Variants in INSR observed in about 807,000 individuals in gnomAD.
The protein encoded by INSR is insulin receptor.
In INSR, 67 loss-of-function variants were observed where a neutral mutation model predicts 142.6. The ratio of observed to expected loss-of-function variants is 0.47; its 90% CI spans 0.39 to 0.58. The LOEUF is 0.58. Among genes scored for constraint, INSR ranks in the 20% least tolerant of loss-of-function variants. The pLI is 0.00. For missense variants in INSR, 1,248 were observed against 1,833.2 expected (o/e 0.68, Z 5.83); for synonymous variants, 756 against 743.1 (o/e 1.02, Z -0.28).
At position 7,119,446 on chromosome 19, in the gene INSR, T is replaced by TA; in HGVS notation, c.3794+2dup. On this transcript the variant is annotated splice_region_variant and intron_variant, in intron 21 of 21. Transcript: ENST00000302850. The surrounding 1 kb of genome is among the most constrained non-coding windows in gnomAD (Gnocchi z 5.2). ...ACACACCTTAAACCCTTTCTACACT[T>TA]ACACTCTCTCTGGACAGTTGTCGGG... 1 of 1,614,150 alleles carries TA rather than the reference T, an allele frequency of 6.2e-7. No individual in the cohort carries two copies. The highest frequency in any genetic ancestry group is 1.3e-5 in the African/African-American group (1 of 75,028).
intron 1 of INSR, among the ~76,000 whole-genome samples, chr19:7,282,705 GGCCAGGCGCAGTGGCTCAC>G (rs1235249775): frequency 6.6e-5 from 10 of 151,162 alleles, no homozygotes; most frequent in African/African-American, 2.4e-4. Flanking sequence ...TAGGCAACAT[GGCCAGGCGCAGTGGCTCAC>G]GCCTGTAATC....
rs996826905 is a variant in INSR, at chr19:7,141,809, A to G, written c.2550T>C (p.Ala850=). ...VSARTMPEAK[A]DDIVGPVTHE... ...GCGTCACAGGGCCAACAATGTCATC[A>G]GCCTTGGCTGTAAGGAGAGGAAGTG... The change falls in exon 13 of 22, where the codon GCT becomes GCC. Residue 850 remains alanine, a synonymous_variant. Transcript: ENST00000302850. The G allele has an allele frequency of 1.2e-6, 2 of 1,614,148 alleles. No individual in the cohort carries two copies. Among genetic ancestry groups the G allele is most frequent in the East Asian group, 2.2e-5 (1 of 44,872 alleles).
At chr19:7,285,294 T>TA (rs1221030342) in intron 1 of INSR, among the ~76,000 whole-genome samples, 5 of 151,564 alleles carry the variant, frequency 3.3e-5, no homozygotes, top group South Asian at 2.1e-4. Context: ...CTACTAAAAA[T>TA]AAAAAAAACT....
chr19:7,153,276 ACAC>A (rs1416866880), intron 9 of INSR, among the ~76,000 whole-genome samples: 12 of 141,906 alleles, frequency 8.5e-5, no homozygotes, highest in East Asian at 4.8e-4. Flanking sequence ...CACACCTCAC[ACAC>A]CACACCACAC....
At chr19:7,179,405 T>C (rs1381686581) in intron 3 of INSR, among the ~76,000 whole-genome samples, 1 of 152,176 alleles carries the variant, frequency 6.6e-6, no homozygotes, top group Non-Finnish European at 1.5e-5. Context: ...ATGCTAACTT[T>C]GGAGGAGGAT....
rs60052651 is a variant in INSR, at chr19:7,284,774, C to T, written c.100+9018G>A. ...CGATCTCCTGACCTCGTGATCCACT[C>T]GCCTCGGACTCCCAAAGCGCTGGGC... On this transcript the variant is annotated intron_variant, in intron 1 of 21. Transcript: ENST00000302850. 0.011 allele frequency among the ~76,000 whole-genome samples: 1,694 copies of T among 152,218 alleles called. 81 individuals are homozygous for T. The East Asian group carries it at 0.17, about 15-fold the overall frequency.
chr19:7,136,828 C>CATATATATATATATATATATATAT lies in INSR; in HGVS notation c.2683-4512_2683-4511insATATATATATATATATATATATAT, dbSNP rs57665258. On this transcript the variant is annotated intron_variant, in intron 13 of 21. Coordinates refer to ENST00000302850, the MANE Select transcript of INSR (RefSeq NM_000208.4). The stretch of plus-strand genomic sequence containing the variant: ...ATGTAAAACTTTATTTATTTATTTA[C>CATATATATATATATATATATATAT]ATATATATATATATATATATTGAGA... 1.4e-3 allele frequency among the ~76,000 whole-genome samples: 192 copies of CATATATATATATATATATATATAT among 139,766 alleles called. 3 individuals are homozygous for CATATATATATATATATATATATAT. The highest frequency in any genetic ancestry group is 5.0e-3 in the African/African-American group (172 of 34,558). 91.7% of individuals were successfully genotyped at this position (139,766 alleles called of 152,430 possible).
intron 13 of INSR, among the ~76,000 whole-genome samples, chr19:7,134,723 ACACTGCACTCCAGC>A (rs1342558886): frequency 2.0e-5 from 3 of 151,906 alleles, no homozygotes; most frequent in African/African-American, 7.3e-5. Context: ...CGAGATCGTG[ACACTGCACTCCAGC>A]CTGGGCAACA....
In INSR at chr19:7,116,125, C is replaced by CTTTTTTT. The variant is rs34045095; in HGVS notation, c.*924_*930dup. On this transcript the variant is annotated 3_prime_UTR_variant, in exon 22 of 22. Transcript: ENST00000302850. ...TCCATTTTGTTTTTTCTTTCTTTTTCTTTTTTTTTTTTTAATGTCCTAGCT... is the reference window on the plus strand; with the variant it reads ...TCCATTTTGTTTTTTCTTTCTTTTTCTTTTTTTTTTTTTTTTTTTTAATGTCCTAGCT... 2 of 131,498 alleles carry CTTTTTTT rather than the reference C, an allele frequency of 1.5e-5. No individual in the cohort carries two copies. Among genetic ancestry groups the CTTTTTTT allele is most frequent in the Admixed American group, 8.1e-5 (1 of 12,404 alleles). The allele number at this position is 131,498 out of a possible 1,614,324, so 8.1% of individuals were successfully genotyped here.
chr19:7,218,901 G>A (rs11666196), intron 2 of INSR, among the ~76,000 whole-genome samples: 1,789 of 152,200 alleles, frequency 0.012, 16 homozygotes, highest in Middle Eastern at 0.027. Context: ...GTATCACAGG[G>A]AAAAGCATGT....
chr19:7,292,880 A>T (rs185466332), intron 1 of INSR, among the ~76,000 whole-genome samples: 66 of 152,262 alleles, frequency 4.3e-4, no homozygotes, highest in Non-Finnish European at 8.2e-4. Context: ...CATGAAGCGC[A>T]GGGCTGAGGG....
At chr19:7,172,564 T>C (rs1360114734) in intron 4 of INSR, 130 bp from the exon 5 acceptor site, 3 of 994,336 alleles carry the variant, frequency 3.0e-6, no homozygotes, top group Non-Finnish European at 4.7e-6. Context: ...CTCATCATGC[T>C]TAGAACACAA....
chr19:7,164,654 C>CAAAAAA (rs539037803), intron 8 of INSR, among the ~76,000 whole-genome samples: 1 of 76,102 alleles, frequency 1.3e-5, no homozygotes, highest in Non-Finnish European at 2.7e-5. Context: ...CTTGTCTCTA[C>CAAAAAA]AAAAAAAAAA....
intron 2 of INSR, among the ~76,000 whole-genome samples, chr19:7,206,899 G>T (rs931178812): frequency 6.6e-6 from 1 of 152,104 alleles, no homozygotes. Context: ...AAACTGCTTG[G>T]AAGTTTCTAG....
At chr19:7,292,855 G>A (rs1335745985) in intron 1 of INSR, among the ~76,000 whole-genome samples, 1 of 152,148 alleles carries the variant, frequency 6.6e-6, no homozygotes. Context: ...GCTCACTCAA[G>A]GTCAAAGGCT....
At position 7,117,342 on chromosome 19, in the gene INSR, T is replaced by A. The variant is rs756542405; in HGVS notation, c.3863A>T (p.Asn1288Ile). 1 of 1,614,094 alleles carries A rather than the reference T, an allele frequency of 6.2e-7. No homozygotes were observed. The highest frequency in any genetic ancestry group is 1.7e-5 in the Admixed American group (1 of 60,026). The change falls in exon 22 of 22, where the codon AAC (asparagine) becomes ATC (isoleucine). Residue 1288 changes from asparagine (N) to isoleucine (I), a missense_variant. Physicochemically the swap from Asn to Ile is moderately radical, Grantham distance 149 (BLOSUM62 -3). Coordinates refer to ENST00000302850, the MANE Select transcript of INSR (RefSeq NM_000208.4). Reference sequence around the variant, plus strand: ...GGGGTGCAGGTCGTCCTTGAGCAGGTTGACAATCTCCAGGAAGGTTGGCCT... The same window carrying A: ...GGGGTGCAGGTCGTCCTTGAGCAGGATGACAATCTCCAGGAAGGTTGGCCT... ...KMRPTFLEIV[N>I]LLKDDLHPSF...
chr19:7,141,578 C>A, intron 13 of INSR, 99 bp downstream of exon 13: 1 of 1,547,380 alleles, frequency 6.5e-7, no homozygotes, highest in Non-Finnish European at 8.8e-7. Context: ...GAGAGAAGCA[C>A]TGGAATCAAA....
intron 17 of INSR, 121 bp from the exon 18 acceptor site, chr19:7,123,110 A>T: frequency 1.3e-6 from 1 of 745,308 alleles, no homozygotes; most frequent in Non-Finnish European, 2.4e-6. Flanking sequence ...CAGCGTGCTC[A>T]GCCCTGGTCT....
intron 2 of INSR, among the ~76,000 whole-genome samples, chr19:7,198,183 C>G (rs1238379996): frequency 6.6e-6 from 1 of 151,726 alleles, no homozygotes; most frequent in African/African-American, 2.4e-5. Flanking sequence ...TCCGGGGAAT[C>G]CGGCCCCGGC....
Sources: gnomAD v4.1 joint callset for allele counts (sites outside exome capture counted in the v4.1 genomes callset) on GRCh38, gnomAD v4.1.1 for gene constraint, Gnocchi (gnomAD v3.1) non-coding constraint, MANE v1.5 for transcripts, NCBI Gene and HGNC (gene_info 2026-07-23, HGNC 2026-07-21) for gene names.